PCDH19: variants seen among roughly 807,000 people sequenced by gnomAD.
PCDH19 encodes protocadherin 19.
In PCDH19, 6 loss-of-function variants were observed where a neutral mutation model predicts 46.2. That is an observed-to-expected ratio of 0.13 (90% CI 0.07 to 0.26). The LOEUF (loss-of-function observed/expected upper bound fraction) is 0.26, where lower values mean the gene tolerates loss of function less well. Ranked by LOEUF, PCDH19 falls within the 10% of genes least tolerant of loss-of-function variation. The pLI is 1.00. For missense variants in PCDH19, 740 were observed against 972.3 expected, an observed-to-expected ratio of 0.76 and a Z score of 3.18; for synonymous variants, 481 against 415.7, an observed-to-expected ratio of 1.16 and a Z score of -1.91.
At chrX:100,403,756 C>A in intron 1 of PCDH19, 92 bp from the exon 2 acceptor site, 1 of 822,814 alleles carries the variant, frequency 1.2e-6, no homozygotes, top group Non-Finnish European at 1.7e-6. Context: ...ACATAAAGAG[C>A]TCAATTTAAT....
intron 5 of PCDH19, among the ~76,000 whole-genome samples, chrX:100,340,097 T>A (rs1926208619): frequency 9.0e-6 from 1 of 111,632 alleles, no homozygotes; most frequent in Non-Finnish European, 1.9e-5. Flanking sequence ...TGGAGACTGG[T>A]GGTCTCTACC....
chrX:100,329,632 G>A (rs761888688), intron 5 of PCDH19, among the ~76,000 whole-genome samples: 11 of 111,752 alleles, frequency 9.8e-5, no homozygotes, highest in Non-Finnish European at 7.5e-5. Context: ...AAATTTGGCC[G>A]GGCGCGGTGG....
At position 100,343,162 on chromosome X, in the gene PCDH19, A is replaced by G. The variant is rs930028368; in HGVS notation, c.2676-1087T>C. On this transcript the variant is annotated intron_variant, in intron 4 of 5. Transcript: ENST00000373034. Reference sequence around the variant, plus strand: ...CTGGTTCTCAAGACTTCAAACCCAGACTTGAATCTACACTATTGGCTCTCT... The same window carrying G: ...CTGGTTCTCAAGACTTCAAACCCAGGCTTGAATCTACACTATTGGCTCTCT... Among the ~76,000 whole-genome samples the G allele has an allele frequency of 3.6e-5, 4 of 111,552 alleles. No individual in the cohort carries two copies. The East Asian group carries it at 1.1e-3, about 32-fold the overall frequency.
chrX:100,374,184 A>C (rs1927306730), intron 3 of PCDH19, among the ~76,000 whole-genome samples: 2 of 112,777 alleles, frequency 1.8e-5, no homozygotes, highest in African/African-American at 6.4e-5. Context: ...AATTACCCTA[A>C]TTAACCCAAT....
At chrX:100,309,974 A>G (rs1205416420) in intron 5 of PCDH19, among the ~76,000 whole-genome samples, 3 of 112,371 alleles carry the variant, frequency 2.7e-5, no homozygotes, top group African/African-American at 9.7e-5. Flanking sequence ...GGCCTCTGTG[A>G]TGCCAAATGG....
chrX:100,402,417 C>T, intron 3 of PCDH19, 107 bp downstream of exon 3: 1 of 690,440 alleles, frequency 1.4e-6, no homozygotes, highest in East Asian at 3.5e-5. Context: ...GAGAAATTCT[C>T]CCCACCCCTG....
chrX:100,312,875 C>A (rs774763170), intron 5 of PCDH19, among the ~76,000 whole-genome samples: 1 of 111,183 alleles, frequency 9.0e-6, no homozygotes, highest in Admixed American at 9.6e-5. Flanking sequence ...CGAGCCTTTG[C>A]ACGTAGGAGT....
At chrX:100,323,219 T>C (rs1317706429) in intron 5 of PCDH19, among the ~76,000 whole-genome samples, 1 of 110,795 alleles carries the variant, frequency 9.0e-6, no homozygotes, top group African/African-American at 3.3e-5. Flanking sequence ...CTATCAAACA[T>C]GCCCCTGAGC....
intron 3 of PCDH19, among the ~76,000 whole-genome samples, chrX:100,388,296 T>C (rs1412176033): frequency 2.7e-5 from 3 of 109,670 alleles, no homozygotes. Flanking sequence ...TATTGTATTA[T>C]AGTTAAACAA....
In PCDH19 at chrX:100,386,724, A is replaced by G. The variant is rs929081662; in HGVS notation, c.2616+15800T>C. On this transcript the variant is annotated intron_variant, in intron 3 of 5. Transcript: ENST00000373034. ...TTTTACTTTAAGGAACTGAACTACAAAGGAGGCTGGGGTGGGAGGTCCCTC... is the reference window on the plus strand; with the variant it reads ...TTTTACTTTAAGGAACTGAACTACAGAGGAGGCTGGGGTGGGAGGTCCCTC... Among the ~76,000 whole-genome samples, 11 of 111,730 alleles carry G rather than the reference A, an allele frequency of 9.8e-5. 1 individual carries two copies. The highest frequency in any genetic ancestry group is 3.3e-4 in the African/African-American group (10 of 30,732).
chrX:100,379,432 A>G (rs1927486040), intron 3 of PCDH19, among the ~76,000 whole-genome samples: 1 of 111,359 alleles, frequency 9.0e-6, no homozygotes, highest in South Asian at 3.8e-4. Context: ...ATAGGTAAGG[A>G]ATGGTTGCCC....
intron 5 of PCDH19, among the ~76,000 whole-genome samples, chrX:100,313,178 C>G (rs988096269): frequency 1.8e-5 from 2 of 111,869 alleles, no homozygotes; most frequent in Non-Finnish European, 1.9e-5. Flanking sequence ...TCTGTTTCTC[C>G]AAAACATTGC....
At chrX:100,362,010 C>A (rs1169597778) in intron 3 of PCDH19, among the ~76,000 whole-genome samples, 1 of 111,568 alleles carries the variant, frequency 9.0e-6, no homozygotes, top group African/African-American at 3.3e-5. Flanking sequence ...CATCAGACTC[C>A]CAGCAGCAAA....
At chrX:100,300,878 AG>A (rs1924753596) in intron 5 of PCDH19, among the ~76,000 whole-genome samples, 1 of 99,713 alleles carries the variant, frequency 1.0e-5, no homozygotes, top group Non-Finnish European at 2.0e-5. Flanking sequence ...ATTTGTCATC[AG>A]GAAACTTGGT....
At position 100,385,797 on chromosome X, in the gene PCDH19, G is replaced by A. The variant is rs1266671923; in HGVS notation, c.2616+16727C>T. ...TACTCCCAGATACTTGGGAGGCTGA[G>A]GCAGGAGGAACTTTTGAACCTGGGA... On this transcript the variant is annotated intron_variant, in intron 3 of 5. Transcript: ENST00000373034. Among the ~76,000 whole-genome samples, 3 of 111,251 alleles carry A rather than the reference G, an allele frequency of 2.7e-5. No individual in the cohort carries two copies. The East Asian group carries it at 8.5e-4, about 32-fold the overall frequency.
In PCDH19 at chrX:100,329,911, AAAAC is replaced by A. The variant is rs1007186868; in HGVS notation, c.2848+11988_2848+11991del. ...TGGGCGACACAGGGAGACGCTGTTTAAAACAAACAAACAAAAAAAGAACTAAAAT... is the reference window on the plus strand; with the variant it reads ...TGGGCGACACAGGGAGACGCTGTTTAAAACAAACAAAAAAAGAACTAAAAT... On this transcript the variant is annotated intron_variant, in intron 5 of 5. Coordinates refer to ENST00000373034, the MANE Select transcript of PCDH19 (RefSeq NM_001184880.2). 9.8e-5 allele frequency among the ~76,000 whole-genome samples: 11 copies of A among 111,711 alleles called. 1 individual carries two copies. The highest frequency in any genetic ancestry group is 3.6e-4 in the African/African-American group (11 of 30,718).
At chrX:100,344,507 G>C (rs757297720) in intron 4 of PCDH19, among the ~76,000 whole-genome samples, 151 of 109,259 alleles carry the variant, frequency 1.4e-3, no homozygotes, top group Middle Eastern at 9.2e-3. Flanking sequence ...TGTACCTCTG[G>C]AGAAAGGAAA....
chrX:100,380,951 T>G (rs999618064), intron 3 of PCDH19, among the ~76,000 whole-genome samples: 3 of 112,502 alleles, frequency 2.7e-5, no homozygotes, highest in African/African-American at 9.7e-5. Flanking sequence ...TTGAATTCTA[T>G]GTAGTCTCAT....
At chrX:100,352,863 C>A (rs1414651505) in intron 3 of PCDH19, among the ~76,000 whole-genome samples, 1 of 111,923 alleles carries the variant, frequency 8.9e-6, no homozygotes, top group Non-Finnish European at 1.9e-5. Flanking sequence ...ATGAAATTAC[C>A]CAGTCTTAGG....
Sources: gnomAD v4.1 joint callset for allele counts (sites outside exome capture counted in the v4.1 genomes callset) on GRCh38, gnomAD v4.1.1 for gene constraint, MANE v1.5 for transcripts, NCBI Gene and HGNC (gene_info 2026-07-23, HGNC 2026-07-21) for gene names.